The following MRPS6 variants were observed in gnomAD, a reference collection of about 807,000 sequenced individuals.
The protein encoded by MRPS6 is mitochondrial ribosomal protein S6, also known as small ribosomal subunit protein bS6m.
MRPS6 carries 6 observed loss-of-function variants against 13.1 expected under a neutral mutation model. The observed-to-expected ratio is 0.46, with a 90% CI of 0.25 to 0.91. The LOEUF is 0.91. Among genes scored for constraint, MRPS6 ranks in the 40% least tolerant of loss-of-function variants. The pLI is 0.18. For missense variants in MRPS6, 164 were observed against 155.6 expected (o/e 1.05, Z -0.29); for synonymous variants, 61 against 56.5 (o/e 1.08, Z -0.36).
intron 1 of MRPS6, among the ~76,000 whole-genome samples, chr21:34,075,689 A>G (rs1335520600): frequency 1.3e-5 from 2 of 152,220 alleles, no homozygotes; most frequent in African/African-American, 2.4e-5. Context: ...TCCTTGACCT[A>G]AATAAAGTAA....
chr21:34,112,944 G>T (rs1198696863), intron 1 of MRPS6, among the ~76,000 whole-genome samples: 1 of 152,038 alleles, frequency 6.6e-6, no homozygotes, highest in African/African-American at 2.4e-5. Flanking sequence ...ATCGCTTGAC[G>T]TCAGGAGTTT....
chr21:34,137,937 T>G (rs1367986332), intron 2 of MRPS6, among the ~76,000 whole-genome samples: 3 of 152,234 alleles, frequency 2.0e-5, no homozygotes, highest in Non-Finnish European at 2.9e-5. Context: ...CTTGCATTCT[T>G]GGGATAAAGC....
At chr21:34,101,443 G>T in intron 1 of MRPS6, 1 of 1,000,184 alleles carries the variant, frequency 1.0e-6, no homozygotes, top group African/African-American at 1.7e-5. Context: ...GCATTAGCCA[G>T]ATGCTAGGTT....
intron 1 of MRPS6, chr21:34,101,931 T>C (rs576490625): frequency 1.0e-6 from 1 of 1,000,118 alleles, no homozygotes; most frequent in East Asian, 1.1e-4. Context: ...GGTGTCAGAG[T>C]GCAGAGAAAC....
At chr21:34,111,858 T>TG (rs967151770) in intron 1 of MRPS6, among the ~76,000 whole-genome samples, 45 of 152,060 alleles carry the variant, frequency 3.0e-4, no homozygotes, top group Middle Eastern at 3.4e-3. Flanking sequence ...TTTTTTTTTT[T>TG]TTGTTGCTGT....
chr21:34,117,572 C>T (rs1025859194), intron 1 of MRPS6, among the ~76,000 whole-genome samples: 3 of 152,146 alleles, frequency 2.0e-5, no homozygotes, highest in Non-Finnish European at 4.4e-5. Flanking sequence ...CCTGCGGCTA[C>T]CCTTTTGGAG....
intron 1 of MRPS6, among the ~76,000 whole-genome samples, chr21:34,087,266 C>T (rs1978435299): frequency 5.4e-3 from 1 of 184 alleles, no homozygotes; most frequent in African/African-American, 0.02. Context: ...GGCTCTTTTT[C>T]CCTTTAGCCT....
At chr21:34,098,867 TTATG>T (rs1301323239) in intron 1 of MRPS6, 50 of 999,654 alleles carry the variant, frequency 5.0e-5, no homozygotes, top group Non-Finnish European at 5.7e-5. Flanking sequence ...AGGAAGCAAA[TTATG>T]TATGTACTTT....
intron 2 of MRPS6, among the ~76,000 whole-genome samples, chr21:34,129,361 T>C (rs936845867): frequency 8.5e-5 from 13 of 152,198 alleles, no homozygotes; most frequent in African/African-American, 3.1e-4. Flanking sequence ...TGTGCTGCTT[T>C]GTAAAAGGAT....
chr21:34,081,038 T>C (rs985904695), intron 1 of MRPS6, among the ~76,000 whole-genome samples: 30 of 152,134 alleles, frequency 2.0e-4, no homozygotes, highest in African/African-American at 7.2e-4. Flanking sequence ...GAAAACCAAG[T>C]TGGATTCTTT....
intron 2 of MRPS6, among the ~76,000 whole-genome samples, chr21:34,140,027 C>G (rs190770394): frequency 3.3e-5 from 5 of 152,230 alleles, no homozygotes; most frequent in Non-Finnish European, 1.5e-5. Context: ...TCTTTTTACT[C>G]AACAGTCTGG....
chr21:34,134,984 C>T (rs1416349522), intron 2 of MRPS6, among the ~76,000 whole-genome samples: 5 of 152,092 alleles, frequency 3.3e-5, no homozygotes, highest in South Asian at 2.1e-4. Flanking sequence ...TATCGAAATG[C>T]GTATATTGTA....
chr21:34,093,184 T>G (rs554442005), intron 1 of MRPS6, among the ~76,000 whole-genome samples: 1 of 152,080 alleles, frequency 6.6e-6, no homozygotes, highest in Admixed American at 6.6e-5. Context: ...CATAGAAATA[T>G]GATCATCTTC....
intron 1 of MRPS6, chr21:34,095,394 A>C (rs1406964145): frequency 6.2e-7 from 1 of 1,613,958 alleles, no homozygotes. Context: ...TGAGCACTTC[A>C]TTGGGCTGGC....
At chr21:34,119,951 T>C (rs16991245) in intron 1 of MRPS6, among the ~76,000 whole-genome samples, 3,267 of 152,278 alleles carry the variant, frequency 0.021, 126 homozygotes, top group African/African-American at 0.073. Context: ...ACAGCAACTT[T>C]TCCCATTAGC....
chr21:34,125,393 G>A lies in MRPS6; in HGVS notation c.98G>A (p.Gly33Glu). ...KRTIEALMDR[G>E]AIVRDLENLG... ...ACGATAGAGGCCCTGATGGACAGAG[G>A]AGCAATAGTGAGGGACTTGGAAAAC... is the stretch of plus-strand genomic sequence containing the variant. The change falls in exon 2 of 3, where the codon GGA becomes GAA. Residue 33 changes from glycine to glutamate, a missense_variant. Physicochemically the swap from Gly to Glu is moderately conservative, Grantham distance 98. Coordinates refer to ENST00000399312, the MANE Select transcript of MRPS6 (RefSeq NM_032476.4). 6.2e-7 allele frequency: 1 copy of A among 1,614,030 alleles called. No homozygotes were observed. Among genetic ancestry groups the A allele is most frequent in the South Asian group, 1.1e-5 (1 of 91,074 alleles).
chr21:34,095,218 C>T (rs1978909482), intron 1 of MRPS6: 1 of 1,611,740 alleles, frequency 6.2e-7, no homozygotes, highest in African/African-American at 1.3e-5. Flanking sequence ...GTACTGGACA[C>T]AGCAGACATT....
chr21:34,100,220 C>T, intron 1 of MRPS6: 2 of 1,000,220 alleles, frequency 2.0e-6, no homozygotes, highest in Non-Finnish European at 2.4e-6. Flanking sequence ...ATGGTATCCC[C>T]AGTTCTTAGA....
chr21:34,141,103 A>G (rs1192889052), intron 2 of MRPS6, among the ~76,000 whole-genome samples: 1 of 152,152 alleles, frequency 6.6e-6, no homozygotes, highest in Non-Finnish European at 1.5e-5. Flanking sequence ...TGATCTTCCC[A>G]GCTTCCTGTG....
Sources: gnomAD v4.1 joint callset for allele counts (sites outside exome capture counted in the v4.1 genomes callset) on GRCh38, gnomAD v4.1.1 for gene constraint, MANE v1.5 for transcripts, NCBI Gene and HGNC (gene_info 2026-07-23, HGNC 2026-07-21) for gene names.